PAK3: variants seen among roughly 807,000 people sequenced by gnomAD.
PAK3 encodes the protein p21 (RAC1) activated kinase 3.
A neutral mutation model predicts 41.0 loss-of-function variants in PAK3; 4 were observed. That is an observed-to-expected ratio of 0.10 (90% CI 0.05 to 0.22). The LOEUF (loss-of-function observed/expected upper bound fraction) is 0.22, where lower values mean the gene tolerates loss of function less well. Among genes scored for constraint, PAK3 ranks in the 10% least tolerant of loss-of-function variants. The pLI is 1.00. For missense variants in PAK3, 205 were observed against 409.9 expected (o/e 0.50, Z 4.32); for synonymous variants, 146 against 139.6 (o/e 1.05, Z -0.32).
intron 1 of PAK3, among the ~76,000 whole-genome samples, chrX:111,069,843 T>C (rs1400751402): frequency 5.4e-5 from 6 of 111,547 alleles, no homozygotes; most frequent in Non-Finnish European, 1.1e-4. Flanking sequence ...GACACTTCCA[T>C]TGTTTTTAAT....
intron 6 of PAK3, among the ~76,000 whole-genome samples, chrX:111,145,229 C>T (rs930878340): frequency 8.9e-6 from 1 of 111,875 alleles, no homozygotes; most frequent in Admixed American, 9.5e-5. Context: ...TTGGATTTGT[C>T]TCAACTTAGA....
At chrX:111,073,076 G>A (rs778633357) in intron 1 of PAK3, among the ~76,000 whole-genome samples, 3 of 111,259 alleles carry the variant, frequency 2.7e-5, no homozygotes, top group South Asian at 3.9e-4. Flanking sequence ...ACAGTCTAGC[G>A]GGGGCCTCCA....
intron 5 of PAK3, among the ~76,000 whole-genome samples, chrX:111,136,573 G>A (rs1438532237): frequency 2.7e-5 from 3 of 111,590 alleles, no homozygotes; most frequent in Non-Finnish European, 5.6e-5. Context: ...TGCTATTATT[G>A]CCTTGTTTCA....
intron 5 of PAK3, among the ~76,000 whole-genome samples, chrX:111,135,421 G>C (rs2093776026): frequency 9.0e-6 from 1 of 110,974 alleles, no homozygotes; most frequent in Non-Finnish European, 1.9e-5. Context: ...TAACTACATG[G>C]GGTTGGGGTG....
intron 16 of PAK3, among the ~76,000 whole-genome samples, chrX:111,198,621 A>T (rs1237399080): frequency 2.7e-5 from 3 of 111,687 alleles, no homozygotes; most frequent in Non-Finnish European, 5.6e-5. Context: ...ACTTTGTCAA[A>T]AATCAGGTGG....
At chrX:111,193,444 C>T (rs971362260) in intron 13 of PAK3, among the ~76,000 whole-genome samples, 12 of 105,734 alleles carry the variant, frequency 1.1e-4, no homozygotes, top group Non-Finnish European at 2.1e-4. Flanking sequence ...CTGCCTCCTA[C>T]GTTCAAGCAA....
intron 1 of PAK3, among the ~76,000 whole-genome samples, chrX:111,010,033 T>G (rs2091989223): frequency 8.9e-6 from 1 of 111,998 alleles, no homozygotes; most frequent in African/African-American, 3.2e-5. Context: ...GCTTCCTTCA[T>G]CCACTGCTAG....
chrX:111,001,729 T>G (rs1602723411), intron 1 of PAK3, among the ~76,000 whole-genome samples: 1 of 112,001 alleles, frequency 8.9e-6, no homozygotes. Context: ...CCTGGCCTGA[T>G]GTATACTTAC....
At chrX:111,036,040 C>T (rs1385165954) in intron 1 of PAK3, among the ~76,000 whole-genome samples, 2 of 112,238 alleles carry the variant, frequency 1.8e-5, no homozygotes, top group Non-Finnish European at 3.8e-5. Flanking sequence ...AAAATGTGGA[C>T]CTTGGGCTCC....
At chrX:111,156,492 T>C (rs191039933) in intron 8 of PAK3, among the ~76,000 whole-genome samples, 3 of 112,168 alleles carry the variant, frequency 2.7e-5, no homozygotes, top group Non-Finnish European at 3.8e-5. Context: ...TAGGAATGGA[T>C]AACTGCACCT....
chrX:111,138,345 T>G (rs2093821606), intron 5 of PAK3, among the ~76,000 whole-genome samples: 1 of 111,339 alleles, frequency 9.0e-6, no homozygotes, highest in Admixed American at 9.6e-5. Context: ...CTGGGGAATG[T>G]GAGAATAAAT....
chrX:111,097,026 C>T (rs1414437736), intron 1 of PAK3, among the ~76,000 whole-genome samples: 1 of 109,433 alleles, frequency 9.1e-6, no homozygotes, highest in East Asian at 2.9e-4. Flanking sequence ...CAGGGGGACC[C>T]TTTTCTTCTC....
At chrX:110,959,169 G>A (rs754352008) in intron 1 of PAK3, among the ~76,000 whole-genome samples, 1 of 111,891 alleles carries the variant, frequency 8.9e-6, no homozygotes, top group Non-Finnish European at 1.9e-5. Flanking sequence ...AGGATTGGCA[G>A]AGCAGAAGAC....
chrX:110,992,004 A>C (rs1288602066), intron 1 of PAK3, among the ~76,000 whole-genome samples: 1 of 111,794 alleles, frequency 8.9e-6, no homozygotes, highest in Non-Finnish European at 1.9e-5. Context: ...AGTACTATGG[A>C]AAATATCTTC....
chrX:111,078,751 G>A (rs1280235355), intron 1 of PAK3, among the ~76,000 whole-genome samples: 1 of 111,937 alleles, frequency 8.9e-6, no homozygotes, highest in African/African-American at 3.2e-5. Flanking sequence ...TGAAAGCCAA[G>A]ATAGACCTAA....
At chrX:111,075,144 G>A (rs928506179) in intron 1 of PAK3, among the ~76,000 whole-genome samples, 1 of 112,551 alleles carries the variant, frequency 8.9e-6, no homozygotes, top group African/African-American at 3.2e-5. Context: ...AGAAGGAAAA[G>A]GTATTTTCAG....
chrX:111,086,985 G>A (rs752557222), intron 1 of PAK3, among the ~76,000 whole-genome samples: 29 of 111,095 alleles, frequency 2.6e-4, no homozygotes, highest in Admixed American at 9.6e-4. Context: ...ACGTGTGTTA[G>A]CGTACTCTCC....
chrX:111,123,944 G>A (rs1391262138), intron 5 of PAK3, among the ~76,000 whole-genome samples: 1 of 111,643 alleles, frequency 9.0e-6, no homozygotes, highest in Non-Finnish European at 1.9e-5. Flanking sequence ...TCTCTAGTAA[G>A]TAACTTTCAG....
chrX:111,186,962 C>G (rs1391779469), intron 11 of PAK3, among the ~76,000 whole-genome samples: 1 of 111,631 alleles, frequency 9.0e-6, no homozygotes, highest in Non-Finnish European at 1.9e-5. Flanking sequence ...TGGGAGTATA[C>G]ACTACTGTGC....
Sources: allele counts gnomAD v4.1 joint callset (sites outside exome capture counted in the v4.1 genomes callset), GRCh38; gene constraint gnomAD v4.1.1; transcripts MANE v1.5; gene names NCBI Gene and HGNC (gene_info 2026-07-23, HGNC 2026-07-21).